The following LRRC43 variants were observed in gnomAD, a reference collection of about 807,000 sequenced individuals.
The protein encoded by LRRC43 is leucine rich repeat containing 43.
LRRC43 carries 62 observed loss-of-function variants against 64.3 expected under a neutral mutation model. The ratio of observed to expected loss-of-function variants is 0.96; its 90% confidence interval spans 0.79 to 1.19. The LOEUF (loss-of-function observed/expected upper bound fraction) is 1.19, where lower values mean the gene tolerates loss of function less well. Among genes scored for constraint, LRRC43 ranks in the 50% most tolerant of loss-of-function variants. LRRC43 has a pLI of 0.00. For synonymous variants in LRRC43, 422 were observed against 382.3 expected, an observed-to-expected ratio of 1.10 and a Z score of -1.21; for missense variants, 868 against 845.0, an observed-to-expected ratio of 1.03 and a Z score of -0.34.
At position 122,184,815 on chromosome 12, in the gene LRRC43, G is replaced by A. The variant is rs746550306; in HGVS notation, c.411+36G>A. Reference sequence around the variant, plus strand: ...GGCACGTGGTAGGTGATGTTAGGGTGGCCGCTCCCCTAAGGGAGGTTGTGG... The same window carrying A: ...GGCACGTGGTAGGTGATGTTAGGGTAGCCGCTCCCCTAAGGGAGGTTGTGG... On this transcript the variant is annotated intron_variant, in intron 2 of 11. Coordinates refer to ENST00000339777, the MANE Select transcript of LRRC43 (RefSeq NM_001098519.2). This position sits in a 1 kb window ranked among gnomAD's most constrained non-coding sequence, Gnocchi z 4.0. 113 of 1,567,170 alleles carry A rather than the reference G, an allele frequency of 7.2e-5. No homozygotes were observed. Among genetic ancestry groups the A allele is most frequent in the Non-Finnish European group, 9.4e-5 (109 of 1,155,894 alleles).
rs899301827 is a variant in LRRC43 at position 122,190,216 on chromosome 12, T to C, written c.749T>C (p.Leu250Pro). 1.7e-5 allele frequency: 28 copies of C among 1,614,100 alleles called. No homozygotes were observed. The highest frequency in any genetic ancestry group is 2.3e-5 in the Non-Finnish European group (27 of 1,179,962). Reference sequence around the variant, plus strand: ...ACCAGCCTGAGGACCCTCCGGCACCTGCGACTCCTGGTGCTGCAGGGAAAC... The same window carrying C: ...ACCAGCCTGAGGACCCTCCGGCACCCGCGACTCCTGGTGCTGCAGGGAAAC... ...MVTSLRTLRH[L>P]RLLVLQGNPL... is the part of the protein sequence containing the mutation. Residue 250 changes from leucine (L) to proline (P), a missense_variant, in exon 5 of 12, where the codon CTG (leucine) becomes CCG (proline). Leu to Pro is a moderately conservative substitution (Grantham distance 98). Coordinates refer to ENST00000339777, the MANE Select transcript of LRRC43 (RefSeq NM_001098519.2).
intron 6 of LRRC43, among the ~76,000 whole-genome samples, chr12:122,192,143 T>TG (rs1291038816): frequency 6.6e-6 from 1 of 151,672 alleles, no homozygotes; most frequent in African/African-American, 2.4e-5. Flanking sequence ...TTATTTCTTT[T>TG]TTGTGTGTGT....
chr12:122,200,473 G>C lies in LRRC43; in HGVS notation c.1492-59G>C. The C allele has an allele frequency of 6.2e-7, 1 of 1,612,336 alleles. No individual in the cohort carries two copies. The highest frequency in any genetic ancestry group is 8.5e-7 in the Non-Finnish European group (1 of 1,178,712). ...CCATTCCAGAAAGGGTGAGGGAGAG[G>C]TGACCCCAGGCAGCCCGCCTGGGCC... On this transcript the variant is annotated intron_variant, in intron 8 of 11. Transcript: ENST00000339777. The surrounding 1 kb of genome is among the most constrained non-coding windows in gnomAD (Gnocchi z 4.6).
At position 122,183,156 on chromosome 12, in the gene LRRC43, G is replaced by T. The variant is rs751905167; in HGVS notation, c.12G>T (p.Ser4=). 5.2e-6 allele frequency: 8 copies of T among 1,547,228 alleles called. No homozygotes were observed. Among genetic ancestry groups the T allele is most frequent in the Non-Finnish European group, 6.9e-6 (8 of 1,153,320 alleles). Residue 4 remains serine (S), a synonymous_variant, in exon 1 of 12, where the codon TCG becomes TCT. Coordinates refer to ENST00000339777, the MANE Select transcript of LRRC43 (RefSeq NM_001098519.2). MEA[S]YESESESESE... ...ACGCGGCCCGGGCCATGGAGGCGTC[G>T]TACGAGTCCGAGTCCGAGTCCGAGT... is the stretch of plus-strand genomic sequence containing the variant.
intron 6 of LRRC43, 66 bp from the exon 7 acceptor site, chr12:122,192,679 C>T (rs1953731517): frequency 1.9e-6 from 3 of 1,570,142 alleles, no homozygotes; most frequent in Non-Finnish European, 2.6e-6. Context: ...TTACAGACAC[C>T]CCCGGCATCA....
upstream of LRRC43, among the ~76,000 whole-genome samples, chr12:122,178,717 G>A (rs1364512020): frequency 6.7e-6 from 1 of 150,210 alleles, no homozygotes; most frequent in East Asian, 2.0e-4. Context: ...TCAGCCTCTT[G>A]AGTAGCCGGG....
intron 7 of LRRC43, among the ~76,000 whole-genome samples, chr12:122,199,623 G>A (rs960550678): frequency 6.7e-6 from 1 of 150,368 alleles, no homozygotes; most frequent in South Asian, 2.1e-4. Context: ...TCACTTTGTC[G>A]CCCGGGATCG....
At chr12:122,186,487 C>T (rs1953646118) in intron 3 of LRRC43, among the ~76,000 whole-genome samples, 187 bp downstream of exon 3, 1 of 152,192 alleles carries the variant, frequency 6.6e-6, no homozygotes. Flanking sequence ...GCTTCCATTC[C>T]TAGGTGTATC....
chr12:122,189,156 A>C (rs2094868991), intron 4 of LRRC43, among the ~76,000 whole-genome samples: 1 of 152,184 alleles, frequency 6.6e-6, no homozygotes, highest in African/African-American at 2.4e-5. Context: ...GAGACCACCC[A>C]GAAAAAGCCA....
At chr12:122,203,237 T>C (rs1281251077) in intron 11 of LRRC43, 78 bp from the exon 12 acceptor site, 2 of 1,539,484 alleles carry the variant, frequency 1.3e-6, no homozygotes, top group African/African-American at 2.7e-5. Flanking sequence ...AGGGCTTGCA[T>C]ATGGGATGGG....
intron 2 of LRRC43, among the ~76,000 whole-genome samples, chr12:122,185,820 C>T (rs920615471): frequency 3.3e-5 from 5 of 152,168 alleles, no homozygotes; most frequent in Admixed American, 1.3e-4. Context: ...AGCTTCTGGT[C>T]GGACCCTGCT....
chr12:122,184,384 G>T lies in LRRC43; in HGVS notation c.151-135G>T, dbSNP rs907640434. ...GCTGGGATTACAGGCATGAGCCACC[G>T]CACCTGGCCTACTCTCTAGATTTCT... On this transcript the variant is annotated intron_variant, in intron 1 of 11. Transcript: ENST00000339777. This position sits in a 1 kb window ranked among gnomAD's most constrained non-coding sequence, Gnocchi z 4.0. The T allele has an allele frequency of 8.7e-7, 1 of 1,149,256 alleles. No individual in the cohort carries two copies. Among genetic ancestry groups the T allele is most frequent in the Non-Finnish European group, 1.2e-6 (1 of 831,866 alleles). 71.2% of individuals were successfully genotyped at this position (1,149,256 alleles called of 1,614,324 possible). A position where few individuals can be genotyped will look rare whatever the true frequency, so the allele number is the denominator to read the frequency against.
chr12:122,187,384 T>C, intron 3 of LRRC43: 1 of 238,254 alleles, frequency 4.2e-6, no homozygotes, highest in Non-Finnish European at 8.1e-6. Flanking sequence ...CTAGGAGCCC[T>C]TTTGGCCTCC....
chr12:122,178,242 T>C (rs988294670), upstream of LRRC43, among the ~76,000 whole-genome samples: 3 of 152,146 alleles, frequency 2.0e-5, no homozygotes, highest in Admixed American at 2.0e-4. Flanking sequence ...GGTTTCAGCC[T>C]TCATTTTACA....
Position 122,190,196 on chromosome 12 carries a change from C to A in LRRC43, c.729C>A (p.Ser243Arg). ...DLTDLQSMVT[S>R]LRTLRHLRLL... ...CAGACCTGCAGAGCATGGTCACCAG[C>A]CTGAGGACCCTCCGGCACCTGCGAC... is the stretch of plus-strand genomic sequence containing the variant. Residue 243 changes from serine (S) to arginine (R), a missense_variant, in exon 5 of 12, where the codon AGC becomes AGA. Ser to Arg is a moderately radical substitution (Grantham distance 110). Coordinates refer to ENST00000339777, the MANE Select transcript of LRRC43 (RefSeq NM_001098519.2). 6.2e-7 allele frequency: 1 copy of A among 1,614,170 alleles called. No homozygotes were observed. Among genetic ancestry groups the A allele is most frequent in the Non-Finnish European group, 8.5e-7 (1 of 1,180,040 alleles).
At chr12:122,168,855 A>G (rs1292269252) in intron 1 of LRRC43, among the ~76,000 whole-genome samples, 2 of 152,164 alleles carry the variant, frequency 1.3e-5, no homozygotes, top group African/African-American at 2.4e-5. Context: ...CTTAGTCTTC[A>G]ATCTGTGACC....
chr12:122,178,515 T>C (rs900302219), upstream of LRRC43, among the ~76,000 whole-genome samples: 5 of 149,562 alleles, frequency 3.3e-5, no homozygotes, highest in Non-Finnish European at 5.9e-5. Flanking sequence ...ATAGTGATAG[T>C]GGAGATGAAG....
intron 1 of LRRC43, chr12:122,174,247 T>C (rs1953517776): frequency 1.9e-6 from 3 of 1,558,574 alleles, no homozygotes; most frequent in Non-Finnish European, 2.7e-6. Context: ...CCTGGAGGTA[T>C]ATAAAGGGCC....
chr12:122,201,230 GA>G, intron 10 of LRRC43, 65 bp from the exon 11 acceptor site: 1 of 1,565,350 alleles, frequency 6.4e-7, no homozygotes, highest in Non-Finnish European at 8.8e-7. Context: ...TGGGGCCCCA[GA>G]GACACCCCTT....
Sources: gnomAD v4.1 joint callset for allele counts (sites outside exome capture counted in the v4.1 genomes callset) on GRCh38, gnomAD v4.1.1 for gene constraint, Gnocchi (gnomAD v3.1) non-coding constraint, MANE v1.5 for transcripts, NCBI Gene and HGNC (gene_info 2026-07-23, HGNC 2026-07-21) for gene names.